The following FRS2 variants were observed in gnomAD, a reference collection of about 807,000 sequenced individuals.
FRS2 encodes fibroblast growth factor receptor substrate 2, also known as FGFR signalling adaptor.
Under a neutral mutation model 43.9 loss-of-function variants are expected in FRS2, and 8 were observed. That is an observed-to-expected ratio of 0.18 (90% CI 0.11 to 0.33). FRS2 has a LOEUF of 0.33. Among genes scored for constraint, FRS2 ranks in the 10% least tolerant of loss-of-function variants. The pLI, the probability that FRS2 is intolerant of heterozygous loss-of-function variation, is 1.00. For synonymous variants in FRS2, 219 were observed against 220.3 expected (o/e 0.99, Z 0.05); for missense variants, 534 against 627.6 (o/e 0.85, Z 1.59).
chr12:69,567,026 C>T (rs1880359521), intron 4 of FRS2, among the ~76,000 whole-genome samples: 1 of 152,136 alleles, frequency 6.6e-6, no homozygotes, highest in Non-Finnish European at 1.5e-5. Context: ...GTTGTTTCTG[C>T]TCTTCTTTTA....
chr12:69,570,851 T>A (rs1391509795), intron 6 of FRS2, among the ~76,000 whole-genome samples: 2 of 152,238 alleles, frequency 1.3e-5, no homozygotes, highest in African/African-American at 4.8e-5. Flanking sequence ...GTTAAATTTC[T>A]TCTCTATAAA....
At chr12:69,470,904 A>G (rs1226563411) in intron 1 of FRS2, among the ~76,000 whole-genome samples, 1 of 152,010 alleles carries the variant, frequency 6.6e-6, no homozygotes, top group Admixed American at 6.5e-5. Flanking sequence ...CACCAGACTC[A>G]ATCTTGGGCT....
chr12:69,499,220 C>T (rs889773826), intron 1 of FRS2, among the ~76,000 whole-genome samples: 1 of 152,072 alleles, frequency 6.6e-6, no homozygotes, highest in Non-Finnish European at 1.5e-5. Flanking sequence ...GAGTATTATT[C>T]AGGCAATTGT....
intron 1 of FRS2, among the ~76,000 whole-genome samples, chr12:69,478,304 G>A (rs560217537): frequency 3.9e-4 from 60 of 152,138 alleles, no homozygotes; most frequent in Non-Finnish European, 4.7e-4. Context: ...CTGAAATGAT[G>A]GAAATGTTCT....
intron 1 of FRS2, among the ~76,000 whole-genome samples, chr12:69,522,363 C>A (rs1396838312): frequency 2.0e-5 from 3 of 151,900 alleles, no homozygotes; most frequent in Non-Finnish European, 2.9e-5. Context: ...TTATTCATTT[C>A]TTCTAGATTT....
Position 69,570,350 on chromosome 12 carries a change from A to G in FRS2, c.86A>G (p.Asp29Gly), listed in dbSNP as rs1238816445. 14 of 1,613,532 alleles carry G rather than the reference A, an allele frequency of 8.7e-6. No homozygotes were observed. The East Asian group carries it at 2.7e-4, about 31-fold the overall frequency. ...TTTTAGGTCATTAATGTGGATGATG[A>G]TGGGAATGAGTTAGGTTCTGGCATA... Reference protein sequence around the residue: ...NKFKVINVDDDGNELGSGIME... With the variant: ...NKFKVINVDDGGNELGSGIME... Residue 29 changes from aspartate to glycine, a missense_variant, in exon 6 of 9, where the codon GAT (aspartate) becomes GGT (glycine). Asp to Gly is a moderately conservative substitution (Grantham distance 94, BLOSUM62 -1). This residue lies in a region of FRS2 where 76 missense variants were observed against 90.5 expected (regional missense o/e 0.84). Coordinates refer to ENST00000549921, the MANE Select transcript of FRS2 (RefSeq NM_001278356.2).
chr12:69,490,525 T>C (rs1339063836), intron 1 of FRS2, among the ~76,000 whole-genome samples: 2 of 152,052 alleles, frequency 1.3e-5, no homozygotes, highest in African/African-American at 4.8e-5. Flanking sequence ...CAAATGATTT[T>C]GGCACTTCTT....
rs142126937 is a variant in FRS2, at chr12:69,473,955, G to A, written c.-261+3425G>A. ...CCTCCTGGGTTCAAGTGATTGTCCT[G>A]CTTCATCTTCCCGAATAGCTGGGAC... is the stretch of plus-strand genomic sequence containing the variant. On this transcript the variant is annotated intron_variant, in intron 1 of 8. Transcript: ENST00000549921. Among the ~76,000 whole-genome samples, 16 of 152,272 alleles carry A rather than the reference G, an allele frequency of 1.1e-4. No individual in the cohort carries two copies. The East Asian group carries it at 3.1e-3, about 29-fold the overall frequency.
At chr12:69,495,383 C>G (rs1472764534) in intron 1 of FRS2, among the ~76,000 whole-genome samples, 2 of 152,162 alleles carry the variant, frequency 1.3e-5, no homozygotes, top group Non-Finnish European at 2.9e-5. Context: ...TTACTCATGC[C>G]TGGTGGGCCT....
intron 1 of FRS2, among the ~76,000 whole-genome samples, chr12:69,479,458 C>T (rs1387024686): frequency 2.1e-5 from 3 of 146,124 alleles, no homozygotes; most frequent in Non-Finnish European, 3.0e-5. Flanking sequence ...AGTGCAGTGG[C>T]GCGATCTCAG....
intron 1 of FRS2, among the ~76,000 whole-genome samples, chr12:69,491,377 G>A (rs1446984888): frequency 6.6e-6 from 1 of 152,060 alleles, no homozygotes; most frequent in Non-Finnish European, 1.5e-5. Flanking sequence ...ATTAATAGTC[G>A]TGAACTACCG....
In FRS2 at chr12:69,574,327, C is replaced by T; in HGVS notation, c.899C>T (p.Ser300Phe). 6.2e-7 allele frequency: 1 copy of T among 1,614,122 alleles called. No homozygotes were observed. The highest frequency in any genetic ancestry group is 1.1e-5 in the South Asian group (1 of 91,080). ...AGTGATGAACGAAGAGATGCACCCT[C>T]TGTTAACAAACTGGTGTATGAAAAT... The part of the protein sequence containing the change: ...YDSDERRDAP[S>F]VNKLVYENIN... Residue 300 changes from serine to phenylalanine, a missense_variant, in exon 9 of 9, where the codon TCT (serine) becomes TTT (phenylalanine). Transcript: ENST00000549921.
intron 1 of FRS2, among the ~76,000 whole-genome samples, chr12:69,476,563 A>G (rs1345094962): frequency 2.6e-5 from 4 of 152,246 alleles, no homozygotes; most frequent in Non-Finnish European, 5.9e-5. Flanking sequence ...CAGTATTCAA[A>G]ATGCTTTCTA....
chr12:69,493,130 A>G (rs944582631), intron 1 of FRS2, among the ~76,000 whole-genome samples: 1 of 152,250 alleles, frequency 6.6e-6, no homozygotes, highest in Non-Finnish European at 1.5e-5. Context: ...TCTTATATTT[A>G]TAAAAGCTTT....
intron 8 of FRS2, among the ~76,000 whole-genome samples, chr12:69,572,963 T>C (rs1880888178): frequency 6.6e-6 from 1 of 152,188 alleles, no homozygotes; most frequent in Non-Finnish European, 1.5e-5. Context: ...CCCAGGTAGC[T>C]GGGATTACAG....
chr12:69,549,672 A>C (rs1344812675), intron 3 of FRS2, among the ~76,000 whole-genome samples: 14 of 152,206 alleles, frequency 9.2e-5, no homozygotes, highest in Non-Finnish European at 1.5e-5. Context: ...TTCAGGAGCA[A>C]ATCAAGCCTA....
At chr12:69,477,320 C>A (rs1255522377) in intron 1 of FRS2, among the ~76,000 whole-genome samples, 3 of 148,820 alleles carry the variant, frequency 2.0e-5, no homozygotes, top group East Asian at 2.0e-4. Flanking sequence ...TCGCTGTGTC[C>A]CCCAGGTTGG....
At chr12:69,517,584 G>C (rs1046544944) in intron 1 of FRS2, among the ~76,000 whole-genome samples, 1 of 152,020 alleles carries the variant, frequency 6.6e-6, no homozygotes, top group Non-Finnish European at 1.5e-5. Flanking sequence ...GTCCTAAAGA[G>C]CCACACCAAG....
chr12:69,569,500 C>T (rs888410050), intron 5 of FRS2, among the ~76,000 whole-genome samples: 6 of 152,220 alleles, frequency 3.9e-5, no homozygotes, highest in Non-Finnish European at 5.9e-5. Flanking sequence ...TCATCATTCA[C>T]TAACCTCTTT....
Sources: gnomAD v4.1 joint callset for allele counts (sites outside exome capture counted in the v4.1 genomes callset) on GRCh38, gnomAD v4.1.1 for gene constraint, gnomAD v4.1.1 regional missense constraint, MANE v1.5 for transcripts, NCBI Gene and HGNC (gene_info 2026-07-23, HGNC 2026-07-21) for gene names.